TIAM1: variants seen among roughly 807,000 people sequenced by gnomAD.
TIAM1 encodes the protein TIAM Rac1 associated GEF 1, also known as rho guanine nucleotide exchange factor TIAM1.
In TIAM1, 65 loss-of-function variants were observed where a neutral mutation model predicts 163.5. The ratio of observed to expected loss-of-function variants is 0.40; its 90% CI spans 0.33 to 0.49. TIAM1 has a LOEUF of 0.49. Among genes scored for constraint, TIAM1 ranks in the 20% least tolerant of loss-of-function variants. TIAM1 has a pLI of 0.77. For missense variants in TIAM1, 1,789 were observed against 2,044.7 expected (o/e 0.87, Z 2.41); for synonymous variants, 833 against 810.1 (o/e 1.03, Z -0.48).
At chr21:31,173,687 T>C (rs1201743414) in intron 15 of TIAM1, among the ~76,000 whole-genome samples, 1 of 152,228 alleles carries the variant, frequency 6.6e-6, no homozygotes, top group Admixed American at 6.5e-5. Flanking sequence ...ATTAAAACTG[T>C]AGATTTAAAA....
At chr21:31,228,890 C>T (rs745577620) in intron 6 of TIAM1, among the ~76,000 whole-genome samples, 8 of 152,006 alleles carry the variant, frequency 5.3e-5, no homozygotes, top group South Asian at 2.1e-4. Flanking sequence ...ACGGTGGCAG[C>T]GAGGAGAAGT....
At chr21:31,514,758 C>G (rs912168845) in intron 1 of TIAM1, among the ~76,000 whole-genome samples, 1 of 152,182 alleles carries the variant, frequency 6.6e-6, no homozygotes, top group Non-Finnish European at 1.5e-5. Flanking sequence ...GCGTTCTGAA[C>G]TGCAGAGTGC....
intron 2 of TIAM1, among the ~76,000 whole-genome samples, chr21:31,461,441 G>A (rs1003665841): frequency 2.0e-5 from 3 of 152,034 alleles, no homozygotes; most frequent in South Asian, 2.1e-4. Flanking sequence ...CTGAGATCAC[G>A]CCACTGTACT....
At chr21:31,431,319 T>C (rs1363294840) in intron 2 of TIAM1, among the ~76,000 whole-genome samples, 1 of 152,208 alleles carries the variant, frequency 6.6e-6, no homozygotes, top group Admixed American at 6.5e-5. Flanking sequence ...TAGGGCTTGT[T>C]AAACCTCTAG....
rs149675965 is a variant in TIAM1, at chr21:31,182,571, C to G, written c.2737G>C (p.Asp913His). 2.3e-5 allele frequency: 37 copies of G among 1,614,026 alleles called. No individual in the cohort carries two copies. In the African/African-American group the frequency reaches 3.3e-4, roughly 15 times the overall value. The change falls in exon 15 of 28, where the codon GAT (aspartate) becomes CAT (histidine). Residue 913 changes from aspartate to histidine, a missense_variant. Physicochemically the swap from Asp to His is moderately conservative, Grantham distance 81 (BLOSUM62 -1). Coordinates refer to ENST00000541036, the MANE Select transcript of TIAM1 (RefSeq NM_001353694.2). ...ADALNSSMLK[D>H]FLSQPSLGLL... is the part of the protein sequence containing the mutation. The stretch of plus-strand genomic sequence containing the variant: ...CCCAGCGAGGGCTGTGAGAGGAAAT[C>G]TTTGAGCATAGAAGAGTTCAGGGCG...
At chr21:31,437,423 A>C (rs566080011) in intron 2 of TIAM1, among the ~76,000 whole-genome samples, 2 of 148,154 alleles carry the variant, frequency 1.3e-5, no homozygotes, top group African/African-American at 5.1e-5. Context: ...GGATCAATTG[A>C]CCCTGGGAGG....
chr21:31,358,367 A>T (rs1030475482), intron 2 of TIAM1, among the ~76,000 whole-genome samples: 4 of 152,028 alleles, frequency 2.6e-5, no homozygotes, highest in African/African-American at 9.7e-5. Flanking sequence ...GGAGAAATCA[A>T]CCTACAACTC....
At chr21:31,538,626 T>C (rs1413865033) in intron 1 of TIAM1, among the ~76,000 whole-genome samples, 4 of 152,192 alleles carry the variant, frequency 2.6e-5, no homozygotes, top group Non-Finnish European at 1.5e-5. Flanking sequence ...AATGCTGTCA[T>C]CATTCAAGCC....
intron 1 of TIAM1, among the ~76,000 whole-genome samples, chr21:31,554,907 T>C (rs994225287): frequency 7.9e-5 from 12 of 152,124 alleles, no homozygotes; most frequent in Non-Finnish European, 1.6e-4. Context: ...GCCCACAGTC[T>C]AGGCCCTTAT....
intron 2 of TIAM1, among the ~76,000 whole-genome samples, chr21:31,296,375 T>C (rs2074266906): frequency 6.6e-6 from 1 of 152,196 alleles, no homozygotes; most frequent in African/African-American, 2.4e-5. Context: ...CGACTATTTA[T>C]ATGTGAAGTG....
At chr21:31,414,631 C>T (rs931598834) in intron 2 of TIAM1, among the ~76,000 whole-genome samples, 1 of 152,150 alleles carries the variant, frequency 6.6e-6, no homozygotes, top group African/African-American at 2.4e-5. Flanking sequence ...AGAGTGTCTA[C>T]GTCAGGAAGT....
chr21:31,386,000 C>G (rs1199892059), intron 2 of TIAM1, among the ~76,000 whole-genome samples: 1 of 149,782 alleles, frequency 6.7e-6, no homozygotes, highest in Non-Finnish European at 1.5e-5. Context: ...AAACAAATAA[C>G]TGTATTGTGC....
At chr21:31,416,612 G>A (rs1055036782) in intron 2 of TIAM1, among the ~76,000 whole-genome samples, 3 of 152,100 alleles carry the variant, frequency 2.0e-5, no homozygotes, top group African/African-American at 7.2e-5. Context: ...CTAGAATAAT[G>A]GCCTCCAGCT....
At chr21:31,296,640 T>C (rs1184852852) in intron 2 of TIAM1, among the ~76,000 whole-genome samples, 3 of 152,258 alleles carry the variant, frequency 2.0e-5, no homozygotes, top group Non-Finnish European at 4.4e-5. Context: ...AGGGTCCTTT[T>C]AGTTTCAATT....
intron 2 of TIAM1, among the ~76,000 whole-genome samples, chr21:31,453,565 C>T (rs149624475): frequency 0.099 from 14,995 of 151,880 alleles, 1,530 homozygotes; most frequent in East Asian, 0.52. Context: ...TGGTGGCGCA[C>T]GCCTGTAGTC....
intron 2 of TIAM1, among the ~76,000 whole-genome samples, chr21:31,308,614 G>A (rs909092397): frequency 4.6e-5 from 7 of 151,968 alleles, no homozygotes; most frequent in Non-Finnish European, 1.0e-4. Flanking sequence ...CGCAATAAAC[G>A]CGTGTTGTAA....
intron 2 of TIAM1, among the ~76,000 whole-genome samples, chr21:31,320,036 A>C (rs1290314512): frequency 6.6e-6 from 1 of 152,188 alleles, no homozygotes; most frequent in African/African-American, 2.4e-5. Context: ...CAAAAAACTG[A>C]AACAACCCAA....
intron 4 of TIAM1, among the ~76,000 whole-genome samples, chr21:31,265,302 C>G (rs2072697124): frequency 6.6e-6 from 1 of 151,132 alleles, no homozygotes; most frequent in Non-Finnish European, 1.5e-5. Context: ...GCACTAGACC[C>G]CGAAGCAGGC....
intron 2 of TIAM1, among the ~76,000 whole-genome samples, chr21:31,423,444 C>G (rs1390712188): frequency 6.6e-6 from 1 of 152,014 alleles, no homozygotes; most frequent in Non-Finnish European, 1.5e-5. Flanking sequence ...GTAGCCTACC[C>G]TCGCTGTCCC....
Sources: gnomAD v4.1 joint callset for allele counts (sites outside exome capture counted in the v4.1 genomes callset) on GRCh38, gnomAD v4.1.1 for gene constraint, MANE v1.5 for transcripts, NCBI Gene and HGNC (gene_info 2026-07-23, HGNC 2026-07-21) for gene names.